KIF21A: variants seen among roughly 807,000 people sequenced by gnomAD.
KIF21A encodes kinesin family member 21A.
A neutral mutation model predicts 202.9 loss-of-function variants in KIF21A; 114 were observed. That is an observed-to-expected ratio of 0.56 (90% confidence interval 0.48 to 0.66). The LOEUF (loss-of-function observed/expected upper bound fraction) is 0.66, where lower values mean the gene tolerates loss of function less well. KIF21A is among the 30% of genes least tolerant of loss of function. The pLI, the probability that KIF21A is intolerant of heterozygous loss-of-function variation, is 0.00. For synonymous variants in KIF21A, 667 were observed against 670.8 expected, an observed-to-expected ratio of 0.99 and a Z score of 0.09; for missense variants, 1,677 against 1,994.9, an observed-to-expected ratio of 0.84 and a Z score of 3.04.
At chr12:39,410,737 C>T (rs1330808869) in intron 1 of KIF21A, among the ~76,000 whole-genome samples, 5 of 151,822 alleles carry the variant, frequency 3.3e-5, no homozygotes. Context: ...TTTTTTGCTG[C>T]CCACAGAGGA....
At chr12:39,440,376 A>T (rs1274900224) in intron 1 of KIF21A, among the ~76,000 whole-genome samples, 1 of 152,192 alleles carries the variant, frequency 6.6e-6, no homozygotes, top group Non-Finnish European at 1.5e-5. Flanking sequence ...TACCAATTTA[A>T]CTTTGGATGG....
chr12:39,321,762 T>C (rs1167637455), intron 27 of KIF21A: 1 of 152,226 alleles, frequency 6.6e-6, no homozygotes, highest in Non-Finnish European at 1.5e-5. Context: ...ATATAGTGTG[T>C]GCCACTTTTG....
At chr12:39,300,207 G>A (rs1296388870) in intron 37 of KIF21A, among the ~76,000 whole-genome samples, 1 of 152,122 alleles carries the variant, frequency 6.6e-6, no homozygotes, top group Non-Finnish European at 1.5e-5. Context: ...AGGCCTCACT[G>A]ATACACAATA....
intron 1 of KIF21A, among the ~76,000 whole-genome samples, chr12:39,391,971 C>T (rs994932554): frequency 1.3e-5 from 2 of 152,084 alleles, no homozygotes; most frequent in Admixed American, 6.6e-5. Flanking sequence ...AACTCCTGAC[C>T]TCATGATCCA....
At chr12:39,398,988 C>T (rs976587860) in intron 1 of KIF21A, among the ~76,000 whole-genome samples, 61 of 152,066 alleles carry the variant, frequency 4.0e-4, no homozygotes, top group Non-Finnish European at 6.5e-4. Flanking sequence ...CTTTGGGAGG[C>T]TGAGGCAGGA....
At chr12:39,405,818 A>G (rs2139946465) in intron 1 of KIF21A, among the ~76,000 whole-genome samples, 1 of 152,310 alleles carries the variant, frequency 6.6e-6, no homozygotes, top group African/African-American at 2.4e-5. Flanking sequence ...CACGAAGTTG[A>G]TCATTCTTAA....
At position 39,357,308 on chromosome 12, in the gene KIF21A, A is replaced by G; in HGVS notation, c.1345T>C (p.Leu449=). 2 of 1,614,154 alleles carry G rather than the reference A, an allele frequency of 1.2e-6. No individual in the cohort carries two copies. Among genetic ancestry groups the G allele is most frequent in the Non-Finnish European group, 1.7e-6 (2 of 1,180,000 alleles). ...IKAMQETVDA[L]RSRITQLVSD... is the part of the protein sequence containing the mutation. Reference sequence around the variant, plus strand: ...ACAAGCTGTGTAATTCTGGACCTCAATGCATCAACCGTCTCTTGCATGGCT... The same window carrying G: ...ACAAGCTGTGTAATTCTGGACCTCAGTGCATCAACCGTCTCTTGCATGGCT... The change falls in exon 9 of 38, where the codon TTG becomes CTG. Residue 449 remains leucine (L), a synonymous_variant. Transcript: ENST00000361418.
intron 32 of KIF21A, 24 bp from the exon 33 acceptor site, chr12:39,309,790 G>A: frequency 6.3e-7 from 1 of 1,591,404 alleles, no homozygotes. Flanking sequence ...ATAAAAAAAA[G>A]AAAACACCAT....
chr12:39,339,560 A>C (rs2138345042), intron 16 of KIF21A, among the ~76,000 whole-genome samples: 1 of 152,310 alleles, frequency 6.6e-6, no homozygotes, highest in Admixed American at 6.5e-5. Flanking sequence ...TTTCTAAATC[A>C]CTTCCATATT....
At chr12:39,306,594 C>A (rs1943495835) in intron 34 of KIF21A, among the ~76,000 whole-genome samples, 1 of 152,156 alleles carries the variant, frequency 6.6e-6, no homozygotes. Flanking sequence ...AAAAAACCAT[C>A]CATTTGATTT....
intron 19 of KIF21A, 46 bp downstream of exon 19, chr12:39,332,847 T>C (rs774172658): frequency 1.9e-6 from 3 of 1,608,334 alleles, no homozygotes; most frequent in East Asian, 2.2e-5. Flanking sequence ...ACATTCAGTA[T>C]TAACGGCCAA....
chr12:39,325,983 T>G lies in KIF21A; in HGVS notation c.3402-90A>C, dbSNP rs150160191. ...CTCTATATCAACGACTACAAAAAATTTATATGCCTATGGGAAATACAGAAA... is the reference window on the plus strand; with the variant it reads ...CTCTATATCAACGACTACAAAAAATGTATATGCCTATGGGAAATACAGAAA... On this transcript the variant is annotated intron_variant, in intron 25 of 37. Coordinates refer to ENST00000361418, the MANE Select transcript of KIF21A (RefSeq NM_001173464.2). The G allele has an allele frequency of 3.3e-4, 309 of 925,914 alleles. No individual in the cohort carries two copies. In the East Asian group the frequency reaches 7.5e-3, roughly 22 times the overall value. The allele number at this position is 925,914 out of a possible 1,614,324, so 57.4% of individuals were successfully genotyped here. A position where few individuals can be genotyped will look rare whatever the true frequency, so the allele number is the denominator to read the frequency against.
rs549766195 is a variant in KIF21A, at chr12:39,357,485, A to T, written c.1216-48T>A. 154 of 1,506,600 alleles carry T rather than the reference A, an allele frequency of 1.0e-4. 7 individuals carry two copies. The South Asian group carries it at 1.7e-3, about 17-fold the overall frequency. 93.3% of individuals were successfully genotyped at this position (1,506,600 alleles called of 1,614,324 possible). ...TTGTTGGTTGAGGAGCCTTAAAAAC[A>T]CAAGAGTTTTGCTTAAGAATACTCT... is the stretch of plus-strand genomic sequence containing the variant. On this transcript the variant is annotated intron_variant, in intron 8 of 37. Coordinates refer to ENST00000361418, the MANE Select transcript of KIF21A (RefSeq NM_001173464.2).
intron 16 of KIF21A, 128 bp from the exon 17 acceptor site, chr12:39,337,331 C>A (rs1343101437): frequency 2.2e-5 from 15 of 678,844 alleles, no homozygotes; most frequent in South Asian, 6.5e-5. Context: ...TTTTGCTGCA[C>A]GTTTAAAGTG....
chr12:39,360,759 G>A (rs996948205), intron 7 of KIF21A, among the ~76,000 whole-genome samples: 5 of 152,034 alleles, frequency 3.3e-5, no homozygotes, highest in Non-Finnish European at 5.9e-5. Flanking sequence ...GCCATAAACT[G>A]GTTATGATAT....
intron 1 of KIF21A, among the ~76,000 whole-genome samples, chr12:39,385,274 G>A (rs866108605): frequency 6.6e-5 from 10 of 152,182 alleles, no homozygotes; most frequent in Middle Eastern, 3.4e-3. Flanking sequence ...TGAGAAAGAA[G>A]GAAGGGCAGA....
chr12:39,414,965 G>GA (rs1012444852), intron 1 of KIF21A, among the ~76,000 whole-genome samples: 65 of 135,218 alleles, frequency 4.8e-4, no homozygotes, highest in African/African-American at 9.8e-4. Flanking sequence ...TTATCAGAGA[G>GA]AAAAAAAAAA....
intron 1 of KIF21A, among the ~76,000 whole-genome samples, chr12:39,434,332 CTCATGAACTAATCACT>C (rs1453968308): frequency 6.6e-6 from 1 of 152,218 alleles, no homozygotes; most frequent in Admixed American, 6.5e-5. Flanking sequence ...GGGCAGAGCC[CTCATGAACTAATCACT>C]TCTTAGGCTC....
At chr12:39,330,465 A>C (rs992527982) in intron 23 of KIF21A, among the ~76,000 whole-genome samples, 2 of 152,224 alleles carry the variant, frequency 1.3e-5, no homozygotes, top group South Asian at 2.1e-4. Context: ...TAAGTAATTT[A>C]GATAACCAAT....
Sources: gnomAD v4.1 joint callset for allele counts (sites outside exome capture counted in the v4.1 genomes callset) on GRCh38, gnomAD v4.1.1 for gene constraint, MANE v1.5 for transcripts, NCBI Gene and HGNC (gene_info 2026-07-23, HGNC 2026-07-21) for gene names.